Variants in ZDHHC21 observed in about 807,000 individuals in gnomAD.
The protein encoded by ZDHHC21 is zDHHC palmitoyltransferase 21.
A neutral mutation model predicts 34.6 loss-of-function variants in ZDHHC21; 15 were observed. That is an observed-to-expected ratio of 0.43 (90% CI 0.29 to 0.67). ZDHHC21 has a LOEUF of 0.67. Among genes scored for constraint, ZDHHC21 ranks in the 30% least tolerant of loss-of-function variants. The probability of loss-of-function intolerance (pLI) is 0.14; values close to 1 mark genes in which losing one functional copy is unlikely to be tolerated. For missense variants in ZDHHC21, 344 were observed against 327.7 expected, an observed-to-expected ratio of 1.05 and a Z score of -0.38; for synonymous variants, 142 against 101.8, an observed-to-expected ratio of 1.40 and a Z score of -2.38.
Position 14,615,441 on chromosome 9 carries a change from A to G in ZDHHC21, c.*3525T>C, listed in dbSNP as rs931718074. 6.6e-6 allele frequency: 1 copy of G among 151,796 alleles called. No individual in the cohort carries two copies. Among genetic ancestry groups the G allele is most frequent in the Non-Finnish European group, 1.5e-5 (1 of 67,762 alleles). 9.4% of individuals were successfully genotyped at this position (151,796 alleles called of 1,614,324 possible). On this transcript the variant is annotated 3_prime_UTR_variant, in exon 10 of 10. Transcript: ENST00000380916. ...TTCTCTATTTCATTATTAAAAATAA[A>G]CCATGCTTTTTTTCTGAAAAAGTTA...
At chr9:14,631,903 AGTAACAGATATAATAATCATGAACAT>A (rs1470596755) in intron 8 of ZDHHC21, among the ~76,000 whole-genome samples, 3 of 152,222 alleles carry the variant, frequency 2.0e-5, no homozygotes, top group Non-Finnish European at 2.9e-5. Context: ...CATAGATCAT[AGTAACAGATATAATAATCATGAACAT>A]GTTTGAAATA....
intron 8 of ZDHHC21, among the ~76,000 whole-genome samples, chr9:14,628,370 A>T (rs916793056): frequency 6.6e-6 from 1 of 152,212 alleles, no homozygotes; most frequent in Non-Finnish European, 1.5e-5. Flanking sequence ...ATTTATTCCA[A>T]GTAAAAATGA....
intron 8 of ZDHHC21, among the ~76,000 whole-genome samples, chr9:14,620,542 A>G (rs10961621): frequency 0.13 from 17,870 of 139,364 alleles, 1,434 homozygotes; most frequent in South Asian, 0.33. Flanking sequence ...TTACCTTAAC[A>G]CTTTGTTTAT....
intron 6 of ZDHHC21, among the ~76,000 whole-genome samples, chr9:14,661,541 TCA>T (rs1308118211): frequency 6.6e-6 from 1 of 152,222 alleles, no homozygotes; most frequent in African/African-American, 2.4e-5. Flanking sequence ...AATATCTTGT[TCA>T]CAGATTTTTG....
chr9:14,682,395 T>C (rs560515977), intron 2 of ZDHHC21, among the ~76,000 whole-genome samples: 36 of 152,108 alleles, frequency 2.4e-4, no homozygotes, highest in Non-Finnish European at 4.3e-4. Context: ...GCAATCCTAG[T>C]CTCTGATGAA....
At chr9:14,692,640 A>G (rs1013935731) in intron 1 of ZDHHC21, among the ~76,000 whole-genome samples, 1 of 142,300 alleles carries the variant, frequency 7.0e-6, no homozygotes, top group Non-Finnish European at 1.6e-5. Flanking sequence ...GACCTGTTAC[A>G]GTGAACAGTA....
intron 5 of ZDHHC21, among the ~76,000 whole-genome samples, chr9:14,672,447 G>A (rs191420527): frequency 1.7e-3 from 251 of 152,114 alleles, no homozygotes; most frequent in Middle Eastern, 6.8e-3. Context: ...AATTATCTCT[G>A]TACATAGATC....
chr9:14,616,018 T>A lies in ZDHHC21; in HGVS notation c.*2948A>T, dbSNP rs943336141. 4.0e-5 allele frequency: 6 copies of A among 151,472 alleles called. 1 individual carries two copies. The highest frequency in any genetic ancestry group is 1.4e-4 in the African/African-American group (6 of 41,426). The allele number at this position is 151,472 out of a possible 1,614,324, so 9.4% of individuals were successfully genotyped here. A position where few individuals can be genotyped will look rare whatever the true frequency, so the allele number is the denominator to read the frequency against. On this transcript the variant is annotated 3_prime_UTR_variant, in exon 10 of 10. Transcript: ENST00000380916. ...AAACTATAGATATAACTCTGCGAAA[T>A]GTAAAAAAAAGAACAAAGAAAAGGA...
rs1370157322 is a variant in ZDHHC21 at position 14,617,222 on chromosome 9, T to A, written c.*1744A>T. The A allele has an allele frequency of 6.6e-6, 1 of 151,982 alleles. No individual in the cohort carries two copies. The highest frequency in any genetic ancestry group is 1.5e-5 in the Non-Finnish European group (1 of 67,914). 9.4% of individuals were successfully genotyped at this position (151,982 alleles called of 1,614,324 possible). On this transcript the variant is annotated 3_prime_UTR_variant, in exon 10 of 10. Coordinates refer to ENST00000380916, the MANE Select transcript of ZDHHC21 (RefSeq NM_178566.6). ...ATTCTAATTTTGTGTTTCACTAAGC[T>A]TTATAAATATATTTCTTCTATTTAA...
Position 14,640,027 on chromosome 9 carries a change from A to G in ZDHHC21, c.505-15T>C, listed in dbSNP as rs763404020. On this transcript the variant is annotated splice_polypyrimidine_tract_variant and intron_variant, in intron 7 of 9. Coordinates refer to ENST00000380916, the MANE Select transcript of ZDHHC21 (RefSeq NM_178566.6). ...ACAAAGAGGTCCTAAAAAGAAAAAGAAAGTCTTAAAAACCATTCAGAGTTG... is the reference window on the plus strand; with the variant it reads ...ACAAAGAGGTCCTAAAAAGAAAAAGGAAGTCTTAAAAACCATTCAGAGTTG... 7 of 1,530,202 alleles carry G rather than the reference A, an allele frequency of 4.6e-6. No individual in the cohort carries two copies. The highest frequency in any genetic ancestry group is 1.2e-5 in the South Asian group (1 of 85,672). The allele number at this position is 1,530,202 out of a possible 1,614,324, so 94.8% of individuals were successfully genotyped here. A position where few individuals can be genotyped will look rare whatever the true frequency, so the allele number is the denominator to read the frequency against.
intron 6 of ZDHHC21, among the ~76,000 whole-genome samples, chr9:14,660,791 GTTCT>G (rs1385714559): frequency 6.6e-6 from 1 of 151,806 alleles, no homozygotes; most frequent in East Asian, 1.9e-4. Flanking sequence ...GTCTTTCCTA[GTTCT>G]TTCTTACTAC....
intron 7 of ZDHHC21, among the ~76,000 whole-genome samples, chr9:14,648,120 C>T (rs7849273): frequency 0.037 from 5,589 of 152,134 alleles, 341 homozygotes; most frequent in African/African-American, 0.13. Flanking sequence ...CTGGAAATAT[C>T]CTTGACGTTT....
chr9:14,680,034 A>G lies in ZDHHC21; in HGVS notation c.-47T>C, dbSNP rs1346754945. On this transcript the variant is annotated splice_region_variant and 5_prime_UTR_variant, in exon 3 of 10. Transcript: ENST00000380916. ...ATGTAAAATCAAAAGCAAACTTACC[A>G]CTTGCAAATTCACTGAGATGTGCTG... The G allele has an allele frequency of 1.3e-5, 2 of 152,552 alleles. No homozygotes were observed. Among genetic ancestry groups the G allele is most frequent in the Non-Finnish European group, 2.9e-5 (2 of 67,982 alleles). The allele number at this position is 152,552 out of a possible 1,614,324, so 9.4% of individuals were successfully genotyped here.
intron 5 of ZDHHC21, among the ~76,000 whole-genome samples, chr9:14,666,714 T>C (rs1188751261): frequency 2.1e-5 from 2 of 94,032 alleles, no homozygotes; most frequent in Non-Finnish European, 2.4e-5. Flanking sequence ...GCCGCTCAAC[T>C]ACATGGAAAC....
downstream of ZDHHC21, among the ~76,000 whole-genome samples, chr9:14,607,121 G>A (rs1823037511): frequency 6.8e-6 from 1 of 148,142 alleles, no homozygotes; most frequent in Admixed American, 6.7e-5. Context: ...GCCCACTACA[G>A]AGGAATGGTT....
At chr9:14,636,333 A>G (rs534624873) in intron 8 of ZDHHC21, among the ~76,000 whole-genome samples, 1 of 152,344 alleles carries the variant, frequency 6.6e-6, no homozygotes, top group South Asian at 2.1e-4. Flanking sequence ...GCAGACCATT[A>G]TATGAGATCA....
intron 3 of ZDHHC21, among the ~76,000 whole-genome samples, chr9:14,679,267 T>C (rs570523275): frequency 2.0e-5 from 3 of 152,274 alleles, no homozygotes; most frequent in East Asian, 1.9e-4. Flanking sequence ...ATTAATAACA[T>C]AGTGGACAGA....
chr9:14,628,204 T>C (rs558021664), intron 8 of ZDHHC21, among the ~76,000 whole-genome samples: 9 of 152,234 alleles, frequency 5.9e-5, no homozygotes, highest in African/African-American at 2.2e-4. Context: ...GAAAATGAGA[T>C]TAGAATCCAC....
intron 6 of ZDHHC21, among the ~76,000 whole-genome samples, chr9:14,659,704 A>G (rs2133920715): frequency 6.6e-6 from 1 of 152,306 alleles, no homozygotes; most frequent in Non-Finnish European, 1.5e-5. Context: ...CCTAACTTAA[A>G]TCGCTCTTTT....
Sources: gnomAD v4.1 joint callset for allele counts (sites outside exome capture counted in the v4.1 genomes callset) on GRCh38, gnomAD v4.1.1 for gene constraint, MANE v1.5 for transcripts, NCBI Gene and HGNC (gene_info 2026-07-23, HGNC 2026-07-21) for gene names.